PAXIP1: variants seen among roughly 807,000 people sequenced by gnomAD.
The protein encoded by PAXIP1 is PAX interacting protein 1, also known as PAX-interacting protein 1.
In PAXIP1, 19 loss-of-function variants were observed where a neutral mutation model predicts 140.6. That is an observed-to-expected ratio of 0.14 (90% confidence interval 0.09 to 0.20). The LOEUF (loss-of-function observed/expected upper bound fraction) is 0.20, where lower values mean the gene tolerates loss of function less well. Among genes scored for constraint, PAXIP1 ranks in the 10% least tolerant of loss-of-function variants. The pLI is 1.00. For missense variants in PAXIP1, 920 were observed against 1,208.6 expected, an observed-to-expected ratio of 0.76 and a Z score of 3.54; for synonymous variants, 442 against 444.6, an observed-to-expected ratio of 0.99 and a Z score of 0.07.
In PAXIP1 at chr7:154,954,204, A is replaced by C. The variant is rs1278888837; in HGVS notation, c.2821+51T>G. The C allele has an allele frequency of 1.4e-5, 18 of 1,273,610 alleles. No individual in the cohort carries two copies. Among genetic ancestry groups the C allele is most frequent in the Non-Finnish European group, 1.9e-5 (18 of 967,492 alleles). 78.9% of individuals were successfully genotyped at this position (1,273,610 alleles called of 1,614,324 possible). On this transcript the variant is annotated intron_variant, in intron 16 of 20. Transcript: ENST00000404141. This position sits in a 1 kb window ranked among gnomAD's most constrained non-coding sequence, Gnocchi z 5.1. ...GATGAAAAGAGATGAATTCAAGAAA[A>C]AAAAAAGTTTATTTGGCATTAAAAG...
intron 6 of PAXIP1, 93 bp downstream of exon 6, chr7:154,975,603 G>A: frequency 1.1e-6 from 1 of 904,144 alleles, no homozygotes; most frequent in Non-Finnish European, 1.7e-6. Context: ...TATTTGGTCT[G>A]AAAAAGCAAA....
rs1302124910 is a variant in PAXIP1 at position 154,946,096 on chromosome 7, ATTCT to A, written c.3194+265_3194+268del. On this transcript the variant is annotated intron_variant, in intron 20 of 20. Coordinates refer to ENST00000404141, the MANE Select transcript of PAXIP1 (RefSeq NM_007349.4). The surrounding 1 kb of genome is among the most constrained non-coding windows in gnomAD (Gnocchi z 4.9). ...ATTTTCTATTTTATCTAATTGTCAA[ATTCT>A]TTAATACCTCCATAAACTAGACAGT... 2.1e-6 allele frequency: 2 copies of A among 974,804 alleles called. No individual in the cohort carries two copies. Among genetic ancestry groups the A allele is most frequent in the Non-Finnish European group, 2.4e-6 (2 of 820,354 alleles). 60.4% of individuals were successfully genotyped at this position (974,804 alleles called of 1,614,324 possible). A position where few individuals can be genotyped will look rare whatever the true frequency, so the allele number is the denominator to read the frequency against.
chr7:154,952,903 AACTTT>A (rs140311122), intron 16 of PAXIP1, among the ~76,000 whole-genome samples: 5,222 of 152,270 alleles, frequency 0.034, 234 homozygotes, highest in African/African-American at 0.1. Context: ...ATAAAATTTT[AACTTT>A]ACTTCTAGCT....
chr7:154,944,185 G>A (rs184231762), intron 20 of PAXIP1, 21 bp from the exon 21 acceptor site: 7 of 1,592,166 alleles, frequency 4.4e-6, no homozygotes, highest in East Asian at 2.2e-5. Flanking sequence ...TGAGGAAAAC[G>A]ACTTTCAAAC....
chr7:154,996,247 C>G (rs887755460), intron 2 of PAXIP1, among the ~76,000 whole-genome samples: 1 of 152,126 alleles, frequency 6.6e-6, no homozygotes, highest in Non-Finnish European at 1.5e-5. Context: ...TGAGTCAGCT[C>G]CGAAGTACTC....
At chr7:154,991,841 C>A (rs967358867) in intron 3 of PAXIP1, among the ~76,000 whole-genome samples, 3 of 152,184 alleles carry the variant, frequency 2.0e-5, no homozygotes, top group Admixed American at 6.5e-5. Flanking sequence ...AGTATTACTT[C>A]TCTTTCCCTA....
chr7:154,985,775 T>C (rs2150776349), intron 4 of PAXIP1, among the ~76,000 whole-genome samples: 1 of 152,282 alleles, frequency 6.6e-6, no homozygotes, highest in Admixed American at 6.5e-5. Flanking sequence ...GCTTACAGGA[T>C]TTTCTCCTTG....
At chr7:154,984,967 G>A (rs954240686) in intron 4 of PAXIP1, among the ~76,000 whole-genome samples, 1 of 152,152 alleles carries the variant, frequency 6.6e-6, no homozygotes, top group African/African-American at 2.4e-5. Flanking sequence ...ATCAGCTAGG[G>A]AGGAATGGAG....
intron 5 of PAXIP1, among the ~76,000 whole-genome samples, chr7:154,976,558 G>A (rs1056810760): frequency 6.6e-6 from 1 of 152,228 alleles, no homozygotes; most frequent in Non-Finnish European, 1.5e-5. Flanking sequence ...CACACCTGTA[G>A]CAGGAGTCTT....
chr7:154,993,831 T>C (rs1403589041), intron 2 of PAXIP1, 62 bp from the exon 3 acceptor site: 1 of 1,229,186 alleles, frequency 8.1e-7, no homozygotes, highest in African/African-American at 1.5e-5. Context: ...ATTATTTTAC[T>C]AGTGTTGTTC....
At chr7:154,955,884 TTTC>T (rs1808487090) in intron 14 of PAXIP1, among the ~76,000 whole-genome samples, 1 of 152,270 alleles carries the variant, frequency 6.6e-6, no homozygotes, top group Admixed American at 6.5e-5. Context: ...AGATCAATAC[TTTC>T]TTCTTCATCA....
intron 6 of PAXIP1, chr7:154,974,639 C>T (rs759658776): frequency 1.5e-4 from 23 of 152,306 alleles, no homozygotes; most frequent in Admixed American, 7.2e-4. Flanking sequence ...TCCTTCCCTT[C>T]ACCTGCTATT....
rs533202419 is a variant in PAXIP1, at chr7:154,996,723, T to C, written c.216+1927A>G. On this transcript the variant is annotated intron_variant, in intron 2 of 20. Coordinates refer to ENST00000404141, the MANE Select transcript of PAXIP1 (RefSeq NM_007349.4). ...AATATATATTTATTATTTACTTGCC[T>C]TTTATTTCGCCTTCACATTTCAGTT... Among the ~76,000 whole-genome samples the C allele has an allele frequency of 2.6e-5, 4 of 152,328 alleles. No homozygotes were observed. In the East Asian group the frequency reaches 7.7e-4, roughly 29 times the overall value.
intron 6 of PAXIP1, among the ~76,000 whole-genome samples, chr7:154,975,341 G>C (rs1016004623): frequency 2.0e-5 from 3 of 152,134 alleles, no homozygotes; most frequent in Admixed American, 2.0e-4. Context: ...ATCAGGTACA[G>C]CTGGTAAACT....
At chr7:154,967,961 T>G (rs893942) in intron 7 of PAXIP1, 51 bp from the exon 8 acceptor site, 1 of 1,264,626 alleles carries the variant, frequency 7.9e-7, no homozygotes, top group Non-Finnish European at 1.1e-6. Context: ...ATGAATATGC[T>G]TGCACAAAAG....
intron 2 of PAXIP1, among the ~76,000 whole-genome samples, 169 bp from the exon 3 acceptor site, chr7:154,993,938 T>C (rs1344231628): frequency 1.3e-5 from 2 of 152,244 alleles, no homozygotes; most frequent in African/African-American, 4.8e-5. Context: ...GATTAGTTAC[T>C]AATACCCAAG....
chr7:154,946,506 A>G lies in PAXIP1; in HGVS notation c.3133+6T>C. On this transcript the variant is annotated splice_donor_region_variant and intron_variant, in intron 19 of 20. Transcript: ENST00000404141. The surrounding 1 kb of genome is among the most constrained non-coding windows in gnomAD (Gnocchi z 4.9). ...CATACTCACACAGGTAAGCGGGGAAACGTACCTATGCCTCTGGCAAAATAT... is the reference window on the plus strand; with the variant it reads ...CATACTCACACAGGTAAGCGGGGAAGCGTACCTATGCCTCTGGCAAAATAT... The G allele has an allele frequency of 6.2e-7, 1 of 1,613,578 alleles. No homozygotes were observed.
intron 5 of PAXIP1, among the ~76,000 whole-genome samples, chr7:154,979,647 TA>T (rs1259600248): frequency 6.6e-6 from 1 of 150,404 alleles, no homozygotes; most frequent in African/African-American, 2.4e-5. Context: ...ATAATTATAT[TA>T]TGTTAATTAT....
In PAXIP1 at chr7:154,975,856, G is replaced by T. The variant is rs969471985; in HGVS notation, c.914C>A (p.Pro305His). 3.1e-6 allele frequency: 5 copies of T among 1,613,932 alleles called. No homozygotes were observed. Among genetic ancestry groups the T allele is most frequent in the Non-Finnish European group, 4.2e-6 (5 of 1,179,876 alleles). ...CATTAAATTACCCCGGACCTCAGGG[G>T]GCAAAATGTTACCTGGGACGGGTGG... ...NVPPVPGNIL[P>H]PEVRGNLMAA... The change falls in exon 6 of 21, where the codon CCC becomes CAC. Residue 305 changes from proline (P) to histidine (H), a missense_variant. Physicochemically the swap from Pro to His is moderately conservative, Grantham distance 77. Transcript: ENST00000404141.
Sources: allele counts gnomAD v4.1 joint callset (sites outside exome capture counted in the v4.1 genomes callset), GRCh38; gene constraint gnomAD v4.1.1; non-coding constraint Gnocchi (gnomAD v3.1); transcripts MANE v1.5; gene names NCBI Gene and HGNC (gene_info 2026-07-23, HGNC 2026-07-21).